Variants in FAM135B observed in about 807,000 individuals in gnomAD.
The protein encoded by FAM135B is protein FAM135B.
Under a neutral mutation model 127.7 loss-of-function variants are expected in FAM135B, and 43 were observed. The ratio of observed to expected loss-of-function variants is 0.34; its 90% CI spans 0.26 to 0.43. The LOEUF is 0.43. Among genes scored for constraint, FAM135B ranks in the 20% least tolerant of loss-of-function variants. FAM135B has a pLI of 1.00. For synonymous variants in FAM135B, 670 were observed against 665.1 expected, an observed-to-expected ratio of 1.01 and a Z score of -0.11; for missense variants, 1,558 against 1,725.6, an observed-to-expected ratio of 0.90 and a Z score of 1.72.
chr8:138,203,974 T>A (rs1236271431), intron 7 of FAM135B, among the ~76,000 whole-genome samples: 1 of 152,130 alleles, frequency 6.6e-6, no homozygotes, highest in East Asian at 1.9e-4. Flanking sequence ...GAGAATCGAA[T>A]GCCACCACTG....
intron 12 of FAM135B, among the ~76,000 whole-genome samples, chr8:138,156,778 C>T (rs945496881): frequency 2.0e-5 from 3 of 152,184 alleles, no homozygotes; most frequent in Non-Finnish European, 2.9e-5. Flanking sequence ...AGATCAATAA[C>T]AGGCTCTGAA....
At chr8:138,282,765 C>T (rs1053847234) in intron 3 of FAM135B, among the ~76,000 whole-genome samples, 6 of 152,146 alleles carry the variant, frequency 3.9e-5, no homozygotes, top group African/African-American at 9.7e-5. Flanking sequence ...TTTGGGAGAT[C>T]GTTTGGTGGT....
chr8:138,199,320 A>G (rs1444440836), intron 7 of FAM135B, among the ~76,000 whole-genome samples: 1 of 152,208 alleles, frequency 6.6e-6, no homozygotes, highest in Non-Finnish European at 1.5e-5. Context: ...CTGCTGCCAT[A>G]TACCTCTGAG....
intron 19 of FAM135B, among the ~76,000 whole-genome samples, chr8:138,135,549 T>C (rs1266342458): frequency 1.3e-5 from 2 of 152,262 alleles, no homozygotes; most frequent in Non-Finnish European, 1.5e-5. Context: ...TAGAGTGAGA[T>C]AGGCAGGCAC....
intron 1 of FAM135B, among the ~76,000 whole-genome samples, chr8:138,447,501 G>T (rs569403374): frequency 1.3e-5 from 2 of 152,108 alleles, no homozygotes; most frequent in Non-Finnish European, 2.9e-5. Context: ...CATGTCCTTC[G>T]TAGGGACATG....
intron 7 of FAM135B, among the ~76,000 whole-genome samples, chr8:138,228,021 T>C (rs1819605531): frequency 6.6e-6 from 1 of 152,210 alleles, no homozygotes; most frequent in Non-Finnish European, 1.5e-5. Context: ...GCCTTCTTCA[T>C]ACACACAGAA....
intron 16 of FAM135B, among the ~76,000 whole-genome samples, chr8:138,142,223 T>C (rs1320067043): frequency 1.3e-5 from 2 of 150,800 alleles, no homozygotes; most frequent in Non-Finnish European, 2.9e-5. Context: ...TTTGGTACAG[T>C]GTAAGAATAA....
chr8:138,273,423 C>T (rs1045537033), intron 3 of FAM135B, among the ~76,000 whole-genome samples: 28 of 152,220 alleles, frequency 1.8e-4, no homozygotes, highest in Non-Finnish European at 1.3e-4. Flanking sequence ...TCAGGCTGAT[C>T]TCAGACTCCT....
chr8:138,151,450 T>C lies in FAM135B; in HGVS notation c.3025A>G (p.Ile1009Val), dbSNP rs765810763. The change falls in exon 13 of 20, where the codon ATC becomes GTC. Residue 1009 changes from isoleucine (I) to valine (V), a missense_variant. Transcript: ENST00000395297. ...KNQELKAGTS[I>V]MGSHLTSAET... ...GCAGAAGTCAGATGGGACCCCATGA[T>C]GGAAGTGCCTGCCTTCAGCTCTTGG... 6.2e-7 allele frequency: 1 copy of C among 1,614,262 alleles called. No homozygotes were observed. The highest frequency in any genetic ancestry group is 8.5e-7 in the Non-Finnish European group (1 of 1,180,050).
At chr8:138,388,177 A>G (rs1321820891) in intron 1 of FAM135B, among the ~76,000 whole-genome samples, 1 of 152,214 alleles carries the variant, frequency 6.6e-6, no homozygotes, top group Non-Finnish European at 1.5e-5. Flanking sequence ...GGAAAATGCA[A>G]AAGAAAACAA....
chr8:138,319,954 G>C (rs76006553), intron 2 of FAM135B, among the ~76,000 whole-genome samples: 1,776 of 152,270 alleles, frequency 0.012, 40 homozygotes, highest in African/African-American at 0.041. Flanking sequence ...AGTGCAATGT[G>C]AGAAAGACGT....
intron 1 of FAM135B, among the ~76,000 whole-genome samples, chr8:138,482,178 G>A (rs766188234): frequency 3.9e-5 from 6 of 152,216 alleles, no homozygotes; most frequent in East Asian, 1.9e-4. Flanking sequence ...AGTGTAGGCC[G>A]TGCAGGAGTG....
intron 9 of FAM135B, among the ~76,000 whole-genome samples, chr8:138,183,263 A>G (rs991692623): frequency 1.3e-5 from 2 of 152,196 alleles, no homozygotes; most frequent in Non-Finnish European, 2.9e-5. Context: ...TAATATTATC[A>G]GTCTTAATTT....
At chr8:138,386,486 G>C (rs1459500917) in intron 1 of FAM135B, among the ~76,000 whole-genome samples, 3 of 152,122 alleles carry the variant, frequency 2.0e-5, no homozygotes, top group Non-Finnish European at 4.4e-5. Context: ...AGTTGTGCTA[G>C]AGTCTTGGAG....
intron 7 of FAM135B, among the ~76,000 whole-genome samples, chr8:138,207,823 C>T (rs1817821196): frequency 6.6e-6 from 1 of 152,180 alleles, no homozygotes; most frequent in African/African-American, 2.4e-5. Context: ...CAATCTCCAT[C>T]ACTCTCGGCC....
chr8:138,140,725 A>G (rs1221786963), intron 17 of FAM135B, among the ~76,000 whole-genome samples: 2 of 152,158 alleles, frequency 1.3e-5, no homozygotes, highest in Non-Finnish European at 2.9e-5. Flanking sequence ...GTACACATAC[A>G]TATATGTATA....
At chr8:138,338,902 C>T (rs545291384) in intron 2 of FAM135B, among the ~76,000 whole-genome samples, 10 of 152,106 alleles carry the variant, frequency 6.6e-5, no homozygotes, top group Admixed American at 1.3e-4. Context: ...AAATGTGGCA[C>T]ATATACACCA....
rs1835372230 is a variant in FAM135B at position 138,434,811 on chromosome 8, T to C, written c.-20+61860A>G. 2.0e-5 allele frequency among the ~76,000 whole-genome samples: 3 copies of C among 152,134 alleles called. No homozygotes were observed. The South Asian group carries it at 6.2e-4, about 32-fold the overall frequency. ...TTACAGTTGACATGAAGCACACGGTTCAAGTAGGTGGGGGTACATGCCAGT... is the reference window on the plus strand; with the variant it reads ...TTACAGTTGACATGAAGCACACGGTCCAAGTAGGTGGGGGTACATGCCAGT... On this transcript the variant is annotated intron_variant, in intron 1 of 19. Coordinates refer to ENST00000395297, the MANE Select transcript of FAM135B (RefSeq NM_015912.4).
intron 2 of FAM135B, among the ~76,000 whole-genome samples, chr8:138,364,028 C>T (rs1396573196): frequency 6.6e-6 from 1 of 152,138 alleles, no homozygotes; most frequent in African/African-American, 2.4e-5. Context: ...GAACCAACTT[C>T]CCCAAAATCT....
Sources: allele counts gnomAD v4.1 joint callset (sites outside exome capture counted in the v4.1 genomes callset), GRCh38; gene constraint gnomAD v4.1.1; transcripts MANE v1.5; gene names NCBI Gene and HGNC (gene_info 2026-07-23, HGNC 2026-07-21).